Variants in DNAJC1 observed in about 807,000 individuals in gnomAD.
DNAJC1 encodes the protein dnaJ homolog subfamily C member 1.
A neutral mutation model predicts 76.6 loss-of-function variants in DNAJC1; 58 were observed. The observed-to-expected ratio is 0.76, with a 90% CI of 0.61 to 0.94. The LOEUF is 0.94. Ranked by LOEUF, DNAJC1 falls within the 40% of genes least tolerant of loss-of-function variation. DNAJC1 has a pLI of 0.00. For missense variants in DNAJC1, 689 were observed against 677.3 expected, an observed-to-expected ratio of 1.02 and a Z score of -0.19; for synonymous variants, 258 against 267.9, an observed-to-expected ratio of 0.96 and a Z score of 0.36.
chr10:21,998,195 G>A (rs763808659), intron 1 of DNAJC1, among the ~76,000 whole-genome samples: 4 of 151,594 alleles, frequency 2.6e-5, no homozygotes, highest in East Asian at 1.9e-4. Context: ...GTGCAAGATC[G>A]GCCTGACCAA....
chr10:21,783,596 C>G (rs1034242670), intron 9 of DNAJC1, among the ~76,000 whole-genome samples: 12 of 152,214 alleles, frequency 7.9e-5, no homozygotes, highest in African/African-American at 2.9e-4. Flanking sequence ...ACTGCCAAGT[C>G]AATCCTAAGC....
intron 1 of DNAJC1, among the ~76,000 whole-genome samples, chr10:21,946,049 C>CTTTTTTTTTTTTTT (rs71510915): frequency 1.2e-4 from 11 of 93,324 alleles, no homozygotes; most frequent in Admixed American, 2.9e-4. Flanking sequence ...TTCTTTTCCT[C>CTTTTTTTTTTTTTT]TTTTTTTTTT....
At chr10:21,809,157 T>C (rs1834926294) in intron 8 of DNAJC1, among the ~76,000 whole-genome samples, 1 of 152,142 alleles carries the variant, frequency 6.6e-6, no homozygotes, top group South Asian at 2.1e-4. Flanking sequence ...TTTAAAGTAA[T>C]CTATATGGAC....
intron 8 of DNAJC1, among the ~76,000 whole-genome samples, chr10:21,828,490 G>A (rs561769014): frequency 6.6e-5 from 10 of 152,246 alleles, no homozygotes; most frequent in African/African-American, 1.7e-4. Flanking sequence ...TATTGGCAGC[G>A]GGGTGTACTG....
chr10:21,790,010 TAAAAAA>T (rs35639440), intron 9 of DNAJC1, among the ~76,000 whole-genome samples: 127 of 41,098 alleles, frequency 3.1e-3, no homozygotes, highest in Admixed American at 4.9e-3. Context: ...GCTCTGTCTT[TAAAAAA>T]AAAAAAAAAA....
chr10:21,915,638 C>T (rs935674081), intron 6 of DNAJC1, among the ~76,000 whole-genome samples: 3 of 152,036 alleles, frequency 2.0e-5, no homozygotes, highest in South Asian at 4.1e-4. Context: ...ATAAGAGCTG[C>T]GTGTGTTAAC....
chr10:21,955,007 G>A (rs2131811386), intron 1 of DNAJC1, among the ~76,000 whole-genome samples: 1 of 152,096 alleles, frequency 6.6e-6, no homozygotes, highest in Non-Finnish European at 1.5e-5. Flanking sequence ...CCTTGCTGTA[G>A]GAGGCTGTTC....
chr10:21,949,592 T>C (rs189048642), intron 1 of DNAJC1, among the ~76,000 whole-genome samples: 12 of 151,626 alleles, frequency 7.9e-5, no homozygotes, highest in Non-Finnish European at 1.3e-4. Flanking sequence ...AATTTTTGTA[T>C]TTTTAGTAGA....
chr10:21,959,696 G>C (rs935753008), intron 1 of DNAJC1, among the ~76,000 whole-genome samples: 1 of 150,418 alleles, frequency 6.6e-6, no homozygotes, highest in Non-Finnish European at 1.5e-5. Flanking sequence ...CAAGGCAGGA[G>C]AATCACTTGG....
intron 9 of DNAJC1, among the ~76,000 whole-genome samples, chr10:21,797,875 C>T (rs574449055): frequency 1.5e-4 from 23 of 152,306 alleles, no homozygotes; most frequent in African/African-American, 5.3e-4. Context: ...AAATTATCCA[C>T]TCTCAGGTAG....
At chr10:21,954,289 A>C (rs1193988881) in intron 1 of DNAJC1, among the ~76,000 whole-genome samples, 1 of 152,114 alleles carries the variant, frequency 6.6e-6, no homozygotes, top group Non-Finnish European at 1.5e-5. Flanking sequence ...TAAATCAGAC[A>C]CTCTCATTGT....
intron 1 of DNAJC1, among the ~76,000 whole-genome samples, chr10:21,986,399 T>A (rs1158111813): frequency 6.6e-6 from 1 of 152,220 alleles, no homozygotes; most frequent in Non-Finnish European, 1.5e-5. Context: ...ATTTCTTTAA[T>A]AACTACTACT....
At chr10:21,833,315 C>CA (rs1835392278) in intron 8 of DNAJC1, among the ~76,000 whole-genome samples, 1 of 151,772 alleles carries the variant, frequency 6.6e-6, no homozygotes, top group Non-Finnish European at 1.5e-5. Flanking sequence ...ACTAAAAATA[C>CA]AAAAAATCAG....
intron 9 of DNAJC1, among the ~76,000 whole-genome samples, chr10:21,786,036 G>C (rs1187510915): frequency 1.3e-5 from 2 of 152,126 alleles, no homozygotes; most frequent in African/African-American, 2.4e-5. Flanking sequence ...TTTTGGACGA[G>C]TAGATTCTTT....
At chr10:21,881,548 G>A (rs555434752) in intron 8 of DNAJC1, among the ~76,000 whole-genome samples, 6 of 152,176 alleles carry the variant, frequency 3.9e-5, no homozygotes, top group African/African-American at 1.2e-4. Context: ...GACCAGAGGA[G>A]ACGGAAAGAG....
intron 1 of DNAJC1, among the ~76,000 whole-genome samples, chr10:21,930,718 A>G (rs1451001837): frequency 6.6e-6 from 1 of 152,194 alleles, no homozygotes; most frequent in Non-Finnish European, 1.5e-5. Context: ...TTTGCTTAAT[A>G]AAATTGACAT....
At chr10:21,912,406 T>C (rs1012463339) in intron 6 of DNAJC1, among the ~76,000 whole-genome samples, 1 of 152,158 alleles carries the variant, frequency 6.6e-6, no homozygotes, top group Non-Finnish European at 1.5e-5. Context: ...CAAAACTCTA[T>C]AGTCTGTCTT....
chr10:21,845,356 CT>C (rs112507630), intron 8 of DNAJC1, among the ~76,000 whole-genome samples: 75,670 of 141,108 alleles, frequency 0.54, 21,981 homozygotes, highest in East Asian at 0.94. Flanking sequence ...AAAATTAGAA[CT>C]TTTTTTTTTT....
chr10:21,977,630 C>T (rs1187139331), intron 1 of DNAJC1, among the ~76,000 whole-genome samples: 1 of 152,012 alleles, frequency 6.6e-6, no homozygotes, highest in Non-Finnish European at 1.5e-5. Context: ...ATATACATGC[C>T]CAGGCGCCAA....
Sources: allele counts gnomAD v4.1 joint callset (sites outside exome capture counted in the v4.1 genomes callset), GRCh38; gene constraint gnomAD v4.1.1; transcripts MANE v1.5; gene names NCBI Gene and HGNC (gene_info 2026-07-23, HGNC 2026-07-21).